ANKRD31: variants seen among roughly 807,000 people sequenced by gnomAD.
ANKRD31 encodes ankyrin repeat domain 31, also known as ankyrin repeat domain-containing protein 31.
Under a neutral mutation model 186.0 loss-of-function variants are expected in ANKRD31, and 147 were observed. The ratio of observed to expected loss-of-function variants is 0.79; its 90% CI spans 0.69 to 0.91. The LOEUF (loss-of-function observed/expected upper bound fraction) is 0.91. ANKRD31 is among the 40% of genes least tolerant of loss of function. The pLI is 0.00. For synonymous variants in ANKRD31, 673 were observed against 736.4 expected (o/e 0.91, Z 1.39); for missense variants, 1,986 against 2,148.8 (o/e 0.92, Z 1.50).
intron 12 of ANKRD31, among the ~76,000 whole-genome samples, chr5:75,151,859 C>G (rs1427536172): frequency 3.3e-5 from 5 of 151,994 alleles, no homozygotes; most frequent in Non-Finnish European, 7.4e-5. Context: ...CTCATAGGGC[C>G]TGAGCATTCT....
intron 3 of ANKRD31, among the ~76,000 whole-genome samples, chr5:75,211,214 C>T (rs1314512687): frequency 3.3e-5 from 5 of 152,190 alleles, no homozygotes; most frequent in Non-Finnish European, 5.9e-5. Flanking sequence ...TATTGATTTA[C>T]TACTCTAGAA....
intron 9 of ANKRD31, among the ~76,000 whole-genome samples, chr5:75,189,148 G>A (rs1383294751): frequency 6.6e-6 from 1 of 152,110 alleles, no homozygotes; most frequent in East Asian, 1.9e-4. Context: ...TCTCCTTCTT[G>A]GCTAAAAATA....
At chr5:75,108,668 A>G (rs975460294) in intron 20 of ANKRD31, among the ~76,000 whole-genome samples, 1 of 152,126 alleles carries the variant, frequency 6.6e-6, no homozygotes, top group African/African-American at 2.4e-5. Context: ...CAAATCAGAC[A>G]CATGATTTGG....
intron 20 of ANKRD31, among the ~76,000 whole-genome samples, chr5:75,108,667 C>T (rs189281599): frequency 4.1e-4 from 63 of 152,190 alleles, no homozygotes; most frequent in Non-Finnish European, 7.6e-4. Context: ...GCAAATCAGA[C>T]ACATGATTTG....
chr5:75,143,028 G>C (rs1420863448), intron 15 of ANKRD31, among the ~76,000 whole-genome samples: 1 of 152,052 alleles, frequency 6.6e-6, no homozygotes, highest in Non-Finnish European at 1.5e-5. Flanking sequence ...AAGTGTCAAC[G>C]GGGCTGTACT....
intron 2 of ANKRD31, among the ~76,000 whole-genome samples, chr5:75,229,005 G>C (rs1000986861): frequency 8.7e-5 from 13 of 150,050 alleles, no homozygotes; most frequent in African/African-American, 2.9e-4. Context: ...AACCTTCGTG[G>C]GTGTTTAGGA....
chr5:75,157,905 C>T (rs750547988), intron 11 of ANKRD31, among the ~76,000 whole-genome samples: 7 of 152,106 alleles, frequency 4.6e-5, no homozygotes, highest in Non-Finnish European at 8.8e-5. Context: ...ATGTATGCTA[C>T]CCTTCAAAAG....
intron 11 of ANKRD31, among the ~76,000 whole-genome samples, chr5:75,163,480 T>G (rs957567216): frequency 6.6e-6 from 1 of 152,198 alleles, no homozygotes; most frequent in Non-Finnish European, 1.5e-5. Flanking sequence ...GAATTGCAGC[T>G]GAAGGGAGCT....
At chr5:75,158,754 T>C (rs1262410477) in intron 11 of ANKRD31, among the ~76,000 whole-genome samples, 1 of 152,070 alleles carries the variant, frequency 6.6e-6, no homozygotes, top group Non-Finnish European at 1.5e-5. Flanking sequence ...ATCACATCAC[T>C]GCACTCCAGC....
chr5:75,102,842 T>G (rs1747016313), intron 22 of ANKRD31, among the ~76,000 whole-genome samples: 1 of 152,164 alleles, frequency 6.6e-6, no homozygotes, highest in East Asian at 1.9e-4. Context: ...TGGCTTCCCT[T>G]GGCTAGGAAA....
chr5:75,115,105 A>G (rs953498536), intron 19 of ANKRD31, among the ~76,000 whole-genome samples: 7 of 151,660 alleles, frequency 4.6e-5, no homozygotes, highest in African/African-American at 1.5e-4. Context: ...ATAACGCTGC[A>G]TATCTACAAC....
intron 15 of ANKRD31, among the ~76,000 whole-genome samples, chr5:75,142,728 A>G (rs970172783): frequency 2.6e-5 from 4 of 152,282 alleles, no homozygotes; most frequent in Non-Finnish European, 5.9e-5. Flanking sequence ...ACTTGGGCAT[A>G]GTTGAATTCA....
At chr5:75,175,922 A>T (rs1753758990) in intron 10 of ANKRD31, among the ~76,000 whole-genome samples, 2 of 152,028 alleles carry the variant, frequency 1.3e-5, no homozygotes, top group African/African-American at 4.8e-5. Context: ...GTGTGAGCCG[A>T]AGCAGGGTGA....
intron 25 of ANKRD31, among the ~76,000 whole-genome samples, chr5:75,080,124 G>C (rs976132955): frequency 3.3e-5 from 5 of 151,616 alleles, no homozygotes; most frequent in African/African-American, 1.2e-4. Context: ...AGTAAGTTCA[G>C]ATAAAGGAGA....
chr5:75,077,007 T>C (rs1034371069), intron 25 of ANKRD31, among the ~76,000 whole-genome samples: 1 of 152,226 alleles, frequency 6.6e-6, no homozygotes, highest in African/African-American at 2.4e-5. Flanking sequence ...TAAAGTTCAA[T>C]GCCTTTTTTA....
At chr5:75,226,095 G>T (rs140041522) in intron 2 of ANKRD31, among the ~76,000 whole-genome samples, 2 of 152,180 alleles carry the variant, frequency 1.3e-5, no homozygotes, top group Non-Finnish European at 2.9e-5. Flanking sequence ...GGGAAGGAAC[G>T]GTGGGAAGGA....
intron 11 of ANKRD31, among the ~76,000 whole-genome samples, chr5:75,159,970 G>T (rs1752461730): frequency 1.3e-5 from 2 of 152,008 alleles, no homozygotes; most frequent in Non-Finnish European, 2.9e-5. Context: ...TCAGAATAAA[G>T]CTGAATTGGA....
At chr5:75,224,133 A>T (rs111983324) in intron 2 of ANKRD31, among the ~76,000 whole-genome samples, 3,215 of 53,216 alleles carry the variant, frequency 0.06, 172 homozygotes, top group African/African-American at 0.28. Context: ...AAATAATTAT[A>T]TATATATATA....
In ANKRD31 at chr5:75,193,574, A is replaced by G. The variant is rs1755263604; in HGVS notation, c.1035T>C (p.Asn345=). 2 of 1,535,934 alleles carry G rather than the reference A, an allele frequency of 1.3e-6. No individual in the cohort carries two copies. The highest frequency in any genetic ancestry group is 1.7e-6 in the Non-Finnish European group (2 of 1,146,184). The change falls in exon 8 of 26, where the codon AAT becomes AAC. Residue 345 remains asparagine, a synonymous_variant. Coordinates refer to ENST00000506364, the MANE Select transcript of ANKRD31 (RefSeq NM_001372053.1). ...GAGCCAAAGTTTGCAATCCAGATGG[A>G]TTTGGGTCTTGCAGAGTCTGCAAAT... ...TQIAETLQDP[N]PSGLQTLAHQ...
Sources: gnomAD v4.1 joint callset for allele counts (sites outside exome capture counted in the v4.1 genomes callset) on GRCh38, gnomAD v4.1.1 for gene constraint, MANE v1.5 for transcripts, NCBI Gene and HGNC (gene_info 2026-07-23, HGNC 2026-07-21) for gene names.